The following DPP10 variants were observed in gnomAD, a reference collection of about 807,000 sequenced individuals.
DPP10 encodes dipeptidyl peptidase like 10, also known as inactive dipeptidyl peptidase 10.
In DPP10, 33 loss-of-function variants were observed where a neutral mutation model predicts 120.9. The ratio of observed to expected loss-of-function variants is 0.27; its 90% CI spans 0.21 to 0.37. The LOEUF is 0.37. Among genes scored for constraint, DPP10 ranks in the 10% least tolerant of loss-of-function variants. The pLI, the probability that DPP10 is intolerant of heterozygous loss-of-function variation, is 1.00. For synonymous variants in DPP10, 337 were observed against 326.1 expected (o/e 1.03, Z -0.36); for missense variants, 816 against 942.8 (o/e 0.87, Z 1.76).
intron 1 of DPP10, among the ~76,000 whole-genome samples, chr2:114,497,791 A>G (rs1000253472): frequency 7.2e-5 from 11 of 152,310 alleles, no homozygotes; most frequent in Non-Finnish European, 1.3e-4. Flanking sequence ...ATCCCCTTCA[A>G]TGGAAAATAA....
intron 1 of DPP10, among the ~76,000 whole-genome samples, chr2:115,270,865 G>C (rs1462371146): frequency 6.6e-6 from 1 of 151,418 alleles, no homozygotes; most frequent in Non-Finnish European, 1.5e-5. Flanking sequence ...AACTCCATTT[G>C]AAATCTATTT....
chr2:115,450,271 T>A (rs2072999011), intron 3 of DPP10, among the ~76,000 whole-genome samples: 1 of 152,040 alleles, frequency 6.6e-6, no homozygotes, highest in South Asian at 2.1e-4. Context: ...GAATATCTCA[T>A]GACTGCATGT....
At position 115,624,554 on chromosome 2, in the gene DPP10, T is replaced by A. The variant is rs1175228648; in HGVS notation, c.442-65133T>A. ...AGACTGTTAGAAACTCAAGCTCAAT[T>A]ACCCACTTTGCTATTCAGTTCCTGC... On this transcript the variant is annotated intron_variant, in intron 5 of 25. Coordinates refer to ENST00000410059, the MANE Select transcript of DPP10 (RefSeq NM_020868.6). 2.0e-5 allele frequency among the ~76,000 whole-genome samples: 3 copies of A among 152,186 alleles called. No homozygotes were observed. In the East Asian group the frequency reaches 5.8e-4, roughly 29 times the overall value.
At chr2:114,981,149 C>A (rs1182655759) in intron 1 of DPP10, among the ~76,000 whole-genome samples, 2 of 152,056 alleles carry the variant, frequency 1.3e-5, no homozygotes, top group African/African-American at 4.8e-5. Context: ...AATCCAATAA[C>A]TGATAAACTC....
intron 1 of DPP10, among the ~76,000 whole-genome samples, chr2:114,477,935 G>T: frequency 6.7e-6 from 1 of 149,654 alleles, no homozygotes; most frequent in East Asian, 2.0e-4. Context: ...ATGTACATAT[G>T]TGTATATATG....
chr2:115,604,559 C>T lies in DPP10; in HGVS notation c.441+78587C>T, dbSNP rs1051976154. 2.0e-5 allele frequency among the ~76,000 whole-genome samples: 3 copies of T among 152,170 alleles called. No homozygotes were observed. In the East Asian group the frequency reaches 5.8e-4, roughly 29 times the overall value. On this transcript the variant is annotated intron_variant, in intron 5 of 25. Coordinates refer to ENST00000410059, the MANE Select transcript of DPP10 (RefSeq NM_020868.6). The stretch of plus-strand genomic sequence containing the variant: ...TGTCAGGGTAATTGCTATCATGATT[C>T]ACAACTAGTGTCTCTTTTCTTCAAG...
chr2:115,403,037 G>T (rs2068221402), intron 3 of DPP10, among the ~76,000 whole-genome samples: 2 of 149,964 alleles, frequency 1.3e-5, no homozygotes, highest in Non-Finnish European at 3.0e-5. Flanking sequence ...AGCAAACCCA[G>T]TTCAAGAACA....
chr2:115,807,906 A>C (rs1458623197), intron 19 of DPP10, among the ~76,000 whole-genome samples: 1 of 152,158 alleles, frequency 6.6e-6, no homozygotes, highest in African/African-American at 2.4e-5. Context: ...GTTTATCTGA[A>C]GTCACAGATA....
At chr2:115,679,102 A>T (rs1386955782) in intron 5 of DPP10, among the ~76,000 whole-genome samples, 1 of 152,070 alleles carries the variant, frequency 6.6e-6, no homozygotes, top group Non-Finnish European at 1.5e-5. Flanking sequence ...ACTTTGGACT[A>T]TGGAATTTTG....
chr2:115,402,520 C>T (rs1212816337), intron 3 of DPP10, among the ~76,000 whole-genome samples: 1 of 151,642 alleles, frequency 6.6e-6, no homozygotes, highest in Admixed American at 6.6e-5. Flanking sequence ...AATTACACAC[C>T]AGTACATTGG....
intron 2 of DPP10, among the ~76,000 whole-genome samples, chr2:115,332,552 G>T (rs1490458235): frequency 6.6e-6 from 1 of 152,030 alleles, no homozygotes; most frequent in Admixed American, 6.6e-5. Flanking sequence ...TCTTTCTCTT[G>T]TGGGCATTTA....
In DPP10 at chr2:115,602,183, G is replaced by A. The variant is rs79996743; in HGVS notation, c.441+76211G>A. On this transcript the variant is annotated intron_variant, in intron 5 of 25. Transcript: ENST00000410059. ...TTGTCAATAGGTCTGAGTACTCCAG[G>A]CAATGATGACTCTCATGATCACCTT... Among the ~76,000 whole-genome samples the A allele has an allele frequency of 2.6e-5, 4 of 152,198 alleles. No individual in the cohort carries two copies. In the East Asian group the frequency reaches 7.7e-4, roughly 29 times the overall value.
At chr2:115,223,868 A>G (rs186595283) in intron 1 of DPP10, among the ~76,000 whole-genome samples, 5 of 152,292 alleles carry the variant, frequency 3.3e-5, no homozygotes, top group Admixed American at 3.3e-4. Flanking sequence ...TCCTTTCACC[A>G]ACACGTCTTG....
At chr2:114,870,539 AGGT>A (rs1485558767) in intron 1 of DPP10, among the ~76,000 whole-genome samples, 1 of 82,700 alleles carries the variant, frequency 1.2e-5, no homozygotes, top group South Asian at 3.4e-4. Context: ...AAAAGTAGTC[AGGT>A]AGAAAGGGGG....
intron 3 of DPP10, among the ~76,000 whole-genome samples, chr2:115,363,280 C>T (rs1445519939): frequency 9.2e-5 from 14 of 152,166 alleles, no homozygotes; most frequent in Admixed American, 7.2e-4. Context: ...TTTGTTTGCA[C>T]ATTGTACTCC....
At chr2:114,462,035 G>C in intron 1 of DPP10, 1 of 985,356 alleles carries the variant, frequency 1.0e-6, no homozygotes, top group Non-Finnish European at 1.2e-6. Context: ...TCGCAGTTGA[G>C]AGAAAACTGG....
intron 7 of DPP10, among the ~76,000 whole-genome samples, chr2:115,699,036 C>CAAAAAAAAAAA (rs1191197397): frequency 1.6e-4 from 8 of 50,788 alleles, no homozygotes; most frequent in Admixed American, 2.4e-4. Context: ...AAAAAAAAAA[C>CAAAAAAAAAAA]AAAAAAAAAA....
At position 114,987,807 on chromosome 2, in the gene DPP10, T is replaced by TTTTTTTTTTTTTTA. The variant is rs1344515092; in HGVS notation, c.61-321423_61-321422insTTTTATTTTTTTTT. ...ACTCCTTGAGTGTGGAGACTGTCTT[T>TTTTTTTTTTTTTTA]TTTTTTTTTATTTTGAGATGGAGTC... On this transcript the variant is annotated intron_variant, in intron 1 of 25. Coordinates refer to ENST00000410059, the MANE Select transcript of DPP10 (RefSeq NM_020868.6). 3.9e-5 allele frequency among the ~76,000 whole-genome samples: 5 copies of TTTTTTTTTTTTTTA among 128,036 alleles called. 1 individual carries two copies. The South Asian group carries it at 8.2e-4, about 21-fold the overall frequency. The allele number at this position is 128,036 out of a possible 152,430, so 84.0% of individuals were successfully genotyped here.
intron 1 of DPP10, among the ~76,000 whole-genome samples, chr2:114,665,431 G>T (rs919848504): frequency 6.6e-6 from 1 of 151,576 alleles, no homozygotes; most frequent in Non-Finnish European, 1.5e-5. Context: ...TTGTAATGCC[G>T]CCTATGACTG....
Sources: gnomAD v4.1 joint callset for allele counts (sites outside exome capture counted in the v4.1 genomes callset) on GRCh38, gnomAD v4.1.1 for gene constraint, MANE v1.5 for transcripts, NCBI Gene and HGNC (gene_info 2026-07-23, HGNC 2026-07-21) for gene names.